FBXO7: variants seen among roughly 807,000 people sequenced by gnomAD.
FBXO7 encodes F-box protein 7, also known as F-box only protein 7.
A neutral mutation model predicts 50.2 loss-of-function variants in FBXO7; 31 were observed. The ratio of observed to expected loss-of-function variants is 0.62; its 90% CI spans 0.46 to 0.83. The LOEUF is 0.83. Among genes scored for constraint, FBXO7 ranks in the 40% least tolerant of loss-of-function variants. FBXO7 has a pLI of 0.00. For synonymous variants in FBXO7, 256 were observed against 253.1 expected, an observed-to-expected ratio of 1.01 and a Z score of -0.11; for missense variants, 667 against 646.6, an observed-to-expected ratio of 1.03 and a Z score of -0.34.
Position 32,479,288 on chromosome 22 carries a change from C to T in FBXO7, c.417+13C>T. The T allele has an allele frequency of 4.3e-6, 7 of 1,613,636 alleles. No homozygotes were observed. The highest frequency in any genetic ancestry group is 5.9e-6 in the Non-Finnish European group (7 of 1,179,648). On this transcript the variant is annotated intron_variant, in intron 2 of 8. Transcript: ENST00000266087. ...TGACGACAGTATGGTGGGTATTAAA[C>T]ACCAATATATCAAATAGAGTAGGTG...
Position 32,495,533 on chromosome 22 carries a change from A to C in FBXO7, c.1182+3A>C. On this transcript the variant is annotated splice_donor_region_variant and intron_variant, in intron 8 of 8. Transcript: ENST00000266087. ...TTCAAGACACAGATTGGAAAGAAGT[A>C]GGTATTTTTAAATATTAAGACTAAT... The C allele has an allele frequency of 6.5e-7, 1 of 1,529,948 alleles. No individual in the cohort carries two copies. The allele number at this position is 1,529,948 out of a possible 1,614,324, so 94.8% of individuals were successfully genotyped here. A position where few individuals can be genotyped will look rare whatever the true frequency, so the allele number is the denominator to read the frequency against.
intron 6 of FBXO7, chr22:32,492,670 G>A (rs536357364): frequency 1.1e-4 from 26 of 231,622 alleles, no homozygotes; most frequent in Non-Finnish European, 2.2e-4. Flanking sequence ...ATGAAATTAA[G>A]ATAGCATTTA....
At chr22:32,489,433 C>T (rs114472196) in intron 5 of FBXO7, 1 of 152,334 alleles carries the variant, frequency 6.6e-6, no homozygotes, top group African/African-American at 2.4e-5. Flanking sequence ...ATATTTATCA[C>T]CGTATAGGGA....
At chr22:32,495,838 AC>A (rs2057570762) in intron 8 of FBXO7, among the ~76,000 whole-genome samples, 1 of 152,214 alleles carries the variant, frequency 6.6e-6, no homozygotes, top group South Asian at 2.1e-4. Flanking sequence ...TTAAGATAGT[AC>A]CTTATGAAAA....
intron 1 of FBXO7, chr22:32,475,358 G>C: frequency 1.2e-6 from 2 of 1,609,906 alleles, no homozygotes. Flanking sequence ...GGCTCCTGGA[G>C]AACATGGCCC....
chr22:32,476,987 A>C (rs2145986289), intron 1 of FBXO7, among the ~76,000 whole-genome samples: 1 of 152,340 alleles, frequency 6.6e-6, no homozygotes, highest in Non-Finnish European at 1.5e-5. Context: ...TGTACTAGAT[A>C]CTGTTTTAAA....
At chr22:32,481,118 C>T (rs116363721) in intron 2 of FBXO7, among the ~76,000 whole-genome samples, 2,556 of 152,110 alleles carry the variant, frequency 0.017, 80 homozygotes, top group African/African-American at 0.057. Context: ...TATAAGTATT[C>T]ATGGTAACTT....
At chr22:32,487,091 T>C (rs1429916948) in intron 4 of FBXO7, among the ~76,000 whole-genome samples, 1 of 152,278 alleles carries the variant, frequency 6.6e-6, no homozygotes, top group African/African-American at 2.4e-5. Context: ...AATCAGCTCT[T>C]GGCAGACTTG....
intron 1 of FBXO7, among the ~76,000 whole-genome samples, chr22:32,477,157 G>T (rs755384236): frequency 6.6e-6 from 1 of 152,114 alleles, no homozygotes; most frequent in Non-Finnish European, 1.5e-5. Flanking sequence ...AGGGCCACTT[G>T]TTTTCTAGCA....
intron 4 of FBXO7, 123 bp downstream of exon 4, chr22:32,485,332 T>C: frequency 8.0e-7 from 1 of 1,255,688 alleles, no homozygotes; most frequent in Non-Finnish European, 1.2e-6. Flanking sequence ...CTCAACTGTA[T>C]TTAATTCCTA....
intron 5 of FBXO7, chr22:32,490,766 C>A: frequency 2.9e-6 from 1 of 342,164 alleles, no homozygotes; most frequent in East Asian, 7.6e-5. Flanking sequence ...TCCTTAGTGC[C>A]CAGAACAGAT....
chr22:32,475,477 T>G, intron 1 of FBXO7: 2 of 1,564,710 alleles, frequency 1.3e-6, no homozygotes. Flanking sequence ...CTGGTTAGAT[T>G]TCAAGTTGGA....
chr22:32,475,362 A>G (rs1463818528), intron 1 of FBXO7: 2 of 1,609,782 alleles, frequency 1.2e-6, no homozygotes, highest in Non-Finnish European at 1.7e-6. Flanking sequence ...CCTGGAGAAC[A>G]TGGCCCGGCC....
chr22:32,485,356 A>G, intron 4 of FBXO7, 147 bp downstream of exon 4: 1 of 1,053,258 alleles, frequency 9.5e-7, no homozygotes, highest in Non-Finnish European at 1.4e-6. Context: ...CACTGATAAC[A>G]TGTGTCTGGA....
At chr22:32,493,624 A>G (rs1418780455) in intron 7 of FBXO7, among the ~76,000 whole-genome samples, 2 of 152,208 alleles carry the variant, frequency 1.3e-5, no homozygotes, top group African/African-American at 4.8e-5. Context: ...ACCAATGTGT[A>G]AGTTAGGAGA....
Position 32,487,752 on chromosome 22 carries a change from A to G in FBXO7, c.795A>G (p.Leu265=), listed in dbSNP as rs2057507875. Residue 265 remains leucine (L), a synonymous_variant, in exon 5 of 9, where the codon CTA becomes CTG. Coordinates refer to ENST00000266087, the MANE Select transcript of FBXO7 (RefSeq NM_012179.4). The part of the protein sequence containing the change: ...LGNLIVVNAT[L]KINNEIRSVK... Reference sequence around the variant, plus strand: ...TCTTTTGTTTATTTACAGCTACACTAAAAATCAACAATGAGATTAGAAGTG... The same window carrying G: ...TCTTTTGTTTATTTACAGCTACACTGAAAATCAACAATGAGATTAGAAGTG... The G allele has an allele frequency of 6.2e-7, 1 of 1,602,548 alleles. No individual in the cohort carries two copies. The highest frequency in any genetic ancestry group is 8.5e-7 in the Non-Finnish European group (1 of 1,170,302).
Position 32,498,811 on chromosome 22 carries a change from TAAA to T in FBXO7, c.*287_*289del, listed in dbSNP as rs1186362488. On this transcript the variant is annotated 3_prime_UTR_variant, in exon 9 of 9. Coordinates refer to ENST00000266087, the MANE Select transcript of FBXO7 (RefSeq NM_012179.4). Reference sequence around the variant, plus strand: ...TTTTCTGATGCTGTTCTTACCAGATTAAAAAAAAGTGTAAATTACATGGTGGTC... The same window carrying T: ...TTTTCTGATGCTGTTCTTACCAGATTAAAAAGTGTAAATTACATGGTGGTC... 2.2e-6 allele frequency: 1 copy of T among 458,130 alleles called. No homozygotes were observed. The highest frequency in any genetic ancestry group is 3.9e-6 in the Non-Finnish European group (1 of 256,142). 28.4% of individuals were successfully genotyped at this position (458,130 alleles called of 1,614,324 possible).
In FBXO7 at chr22:32,489,683, A is replaced by G. The variant is rs187389535; in HGVS notation, c.872-1403A>G. 571 of 152,330 alleles carry G rather than the reference A, an allele frequency of 3.7e-3. 2 individuals are homozygous for G. The highest frequency in any genetic ancestry group is 0.013 in the African/African-American group (536 of 41,574). 9.4% of individuals were successfully genotyped at this position (152,330 alleles called of 1,614,324 possible). A position where few individuals can be genotyped will look rare whatever the true frequency, so the allele number is the denominator to read the frequency against. Reference sequence around the variant, plus strand: ...ATCTGGTTTCTCTTAAATAAAGAAAAATGAAATGGAAGGGAGGAGGAACAT... The same window carrying G: ...ATCTGGTTTCTCTTAAATAAAGAAAGATGAAATGGAAGGGAGGAGGAACAT... On this transcript the variant is annotated intron_variant, in intron 5 of 8. Transcript: ENST00000266087.
Position 32,498,546 on chromosome 22 carries a change from A to G in FBXO7, c.*16A>G. 4 of 1,608,582 alleles carry G rather than the reference A, an allele frequency of 2.5e-6. No individual in the cohort carries two copies. Among genetic ancestry groups the G allele is most frequent in the Non-Finnish European group, 3.4e-6 (4 of 1,179,352 alleles). ...ATTCATGTGATTGATTTGTAATTTC[A>G]TTTCTGGAGCTCCATTTGTTTTTGT... On this transcript the variant is annotated 3_prime_UTR_variant, in exon 9 of 9. Transcript: ENST00000266087.
Sources: allele counts gnomAD v4.1 joint callset (sites outside exome capture counted in the v4.1 genomes callset), GRCh38; gene constraint gnomAD v4.1.1; transcripts MANE v1.5; gene names NCBI Gene and HGNC (gene_info 2026-07-23, HGNC 2026-07-21).